The following TSNARE1 variants were observed in gnomAD, a reference collection of about 807,000 sequenced individuals.
The protein encoded by TSNARE1 is t-SNARE domain containing 1, also known as t-SNARE domain-containing protein 1.
Under a neutral mutation model 62.0 loss-of-function variants are expected in TSNARE1, and 49 were observed. The ratio of observed to expected loss-of-function variants is 0.79; its 90% CI spans 0.63 to 1.00. The LOEUF (loss-of-function observed/expected upper bound fraction) is 1.00. Ranked by LOEUF, TSNARE1 falls within the 50% of genes least tolerant of loss-of-function variation. TSNARE1 has a pLI of 0.00. For missense variants in TSNARE1, 755 were observed against 700.1 expected (o/e 1.08, Z -0.88); for synonymous variants, 328 against 294.4 (o/e 1.11, Z -1.17).
intron 10 of TSNARE1, among the ~76,000 whole-genome samples, chr8:142,287,825 A>G (rs375422792): frequency 3.9e-4 from 44 of 111,614 alleles, no homozygotes; most frequent in South Asian, 6.5e-4. Context: ...CCAGGACCCC[A>G]GCCAGATCTC....
intron 1 of TSNARE1, among the ~76,000 whole-genome samples, chr8:142,363,414 C>T (rs552608665): frequency 1.3e-5 from 2 of 152,196 alleles, no homozygotes; most frequent in East Asian, 3.9e-4. Flanking sequence ...TGGGTTAAAG[C>T]CCCGATTCAA....
chr8:142,329,947 C>T (rs1217767960), intron 6 of TSNARE1, among the ~76,000 whole-genome samples: 1 of 152,252 alleles, frequency 6.6e-6, no homozygotes, highest in African/African-American at 2.4e-5. Flanking sequence ...AACGGAGCCG[C>T]CGTGAGGAGG....
intron 11 of TSNARE1, chr8:142,276,545 G>A: frequency 6.1e-6 from 6 of 985,472 alleles, no homozygotes; most frequent in Non-Finnish European, 7.2e-6. Flanking sequence ...TTTGCCAGCA[G>A]AGACAGGAAG....
At chr8:142,332,911 C>T (rs571783228) in intron 4 of TSNARE1, among the ~76,000 whole-genome samples, 12 of 152,346 alleles carry the variant, frequency 7.9e-5, no homozygotes, top group African/African-American at 2.2e-4. Flanking sequence ...AGCCCACACC[C>T]GGAGAGAGGG....
chr8:142,364,107 G>C (rs1835359612), intron 1 of TSNARE1, among the ~76,000 whole-genome samples: 1 of 152,196 alleles, frequency 6.6e-6, no homozygotes, highest in Admixed American at 6.5e-5. Flanking sequence ...AAGGTACCTG[G>C]CGCCCCATGG....
chr8:142,315,204 G>A (rs561356107), intron 7 of TSNARE1, 112 bp from the exon 8 acceptor site: 189 of 1,073,974 alleles, frequency 1.8e-4, no homozygotes, highest in Middle Eastern at 1.3e-3. Flanking sequence ...ACTCAGAATG[G>A]GGCTCGCCAT....
intron 12 of TSNARE1, among the ~76,000 whole-genome samples, chr8:142,239,580 A>T (rs1186816675): frequency 2.0e-5 from 3 of 152,264 alleles, no homozygotes; most frequent in Non-Finnish European, 4.4e-5. Context: ...AAAGTGAACT[A>T]ACTTTTTAAA....
At position 142,319,262 on chromosome 8, in the gene TSNARE1, A is replaced by G. The variant is rs1296168489; in HGVS notation, c.894-628T>C. Among the ~76,000 whole-genome samples the G allele has an allele frequency of 6.6e-6, 1 of 151,928 alleles. No homozygotes were observed. Among genetic ancestry groups the G allele is most frequent in the Non-Finnish European group, 1.5e-5 (1 of 67,950 alleles). On this transcript the variant is annotated intron_variant, in intron 6 of 13. Transcript: ENST00000524325. The surrounding 1 kb of genome is among the most constrained non-coding windows in gnomAD (Gnocchi z 4.9). ...GCTCCCCTCGGAAAGCCAGCAGGAG[A>G]ATCAGGGCAAGAGCGCCATGGCCCA...
At chr8:142,238,006 A>G (rs552250752) in intron 12 of TSNARE1, among the ~76,000 whole-genome samples, 1 of 151,588 alleles carries the variant, frequency 6.6e-6, no homozygotes, top group Non-Finnish European at 1.5e-5. Context: ...CCAGGTCTCC[A>G]TGCATCTGAC....
chr8:142,225,968 C>T (rs1056157628), intron 13 of TSNARE1, among the ~76,000 whole-genome samples: 1 of 152,286 alleles, frequency 6.6e-6, no homozygotes, highest in South Asian at 2.1e-4. Flanking sequence ...GGCTGCATCA[C>T]CTCATTCCTG....
In TSNARE1 at chr8:142,338,096, T is replaced by A. The variant is rs148271922; in HGVS notation, c.745+5870A>T. 4.1e-3 allele frequency among the ~76,000 whole-genome samples: 623 copies of A among 152,250 alleles called. 3 individuals carry two copies. Among genetic ancestry groups the A allele is most frequent in the African/African-American group, 0.014 (571 of 41,548 alleles). On this transcript the variant is annotated intron_variant, in intron 4 of 13. Transcript: ENST00000524325. ...ACACTCCATAAAACAAAACGAAACGTCAGCAGCGCTTATCAGGACTTCTCT... is the reference window on the plus strand; with the variant it reads ...ACACTCCATAAAACAAAACGAAACGACAGCAGCGCTTATCAGGACTTCTCT...
intron 10 of TSNARE1, among the ~76,000 whole-genome samples, chr8:142,292,866 C>A (rs537393885): frequency 4.6e-5 from 7 of 152,102 alleles, no homozygotes; most frequent in African/African-American, 1.7e-4. Context: ...CCAGGTGCCC[C>A]GCCAGTGTGG....
chr8:142,371,086 G>A (rs1835883192), intron 1 of TSNARE1, among the ~76,000 whole-genome samples: 1 of 152,140 alleles, frequency 6.6e-6, no homozygotes, highest in Admixed American at 6.5e-5. Context: ...GAATAAGGAG[G>A]GAATATTACT....
chr8:142,279,204 A>G (rs1258510679), intron 11 of TSNARE1, among the ~76,000 whole-genome samples: 3 of 152,194 alleles, frequency 2.0e-5, no homozygotes, highest in Non-Finnish European at 2.9e-5. Context: ...ACTGGTTTGG[A>G]AGACCTGGCT....
At chr8:142,279,086 C>T (rs1031168928) in intron 11 of TSNARE1, among the ~76,000 whole-genome samples, 1 of 152,294 alleles carries the variant, frequency 6.6e-6, no homozygotes, top group Non-Finnish European at 1.5e-5. Flanking sequence ...TGGGGGAGAG[C>T]GGAGGGAAGC....
chr8:142,398,603 G>A (rs34655607), intron 1 of TSNARE1, among the ~76,000 whole-genome samples: 25,013 of 151,994 alleles, frequency 0.16, 3,102 homozygotes, highest in African/African-American at 0.34. Flanking sequence ...ACCTTGCTCT[G>A]TAAGGTGCAC....
chr8:142,342,432 G>A (rs1180009512), intron 4 of TSNARE1, among the ~76,000 whole-genome samples: 2 of 152,174 alleles, frequency 1.3e-5, no homozygotes, highest in Non-Finnish European at 2.9e-5. Flanking sequence ...AGGTATGGGG[G>A]CAGATCCCAG....
chr8:142,385,797 A>C (rs1353889409), intron 1 of TSNARE1, among the ~76,000 whole-genome samples: 1 of 152,240 alleles, frequency 6.6e-6, no homozygotes, highest in Non-Finnish European at 1.5e-5. Flanking sequence ...TGACTGCCAT[A>C]TCAAATCACC....
intron 6 of TSNARE1, among the ~76,000 whole-genome samples, chr8:142,324,646 C>T (rs779586760): frequency 2.0e-5 from 3 of 152,252 alleles, no homozygotes; most frequent in African/African-American, 4.8e-5. Context: ...GTTTTACAGA[C>T]GAAGACACAA....
Sources: allele counts gnomAD v4.1 joint callset (sites outside exome capture counted in the v4.1 genomes callset), GRCh38; gene constraint gnomAD v4.1.1; non-coding constraint Gnocchi (gnomAD v3.1); transcripts MANE v1.5; gene names NCBI Gene and HGNC (gene_info 2026-07-23, HGNC 2026-07-21).